Variants in VWA8 observed in about 807,000 individuals in gnomAD.
The protein encoded by VWA8 is von Willebrand factor A domain containing 8.
A neutral mutation model predicts 241.5 loss-of-function variants in VWA8; 221 were observed. That is an observed-to-expected ratio of 0.91 (90% CI 0.82 to 1.02). The LOEUF (loss-of-function observed/expected upper bound fraction) is 1.02. Among genes scored for constraint, VWA8 ranks in the 50% least tolerant of loss-of-function variants. The pLI is 0.00. For synonymous variants in VWA8, 852 were observed against 827.1 expected (o/e 1.03, Z -0.52); for missense variants, 2,322 against 2,328.7 (o/e 1.00, Z 0.06).
intron 17 of VWA8, among the ~76,000 whole-genome samples, chr13:41,791,705 C>G (rs1869470903): frequency 6.6e-6 from 1 of 151,822 alleles, no homozygotes; most frequent in South Asian, 2.1e-4. Flanking sequence ...TGATAGATAA[C>G]TGTAAATGCA....
At chr13:41,701,002 G>A (rs565225680) in intron 28 of VWA8, among the ~76,000 whole-genome samples, 3 of 152,282 alleles carry the variant, frequency 2.0e-5, no homozygotes, top group African/African-American at 4.8e-5. Flanking sequence ...TTTACAATTA[G>A]AAGTTTAATG....
chr13:41,581,047 T>G lies in VWA8; in HGVS notation c.5272-5209A>C, dbSNP rs1179797148. 2.6e-5 allele frequency among the ~76,000 whole-genome samples: 2 copies of G among 77,732 alleles called. 1 individual carries two copies. Among genetic ancestry groups the G allele is most frequent in the Non-Finnish European group, 4.2e-5 (2 of 47,184 alleles). The allele number at this position is 77,732 out of a possible 152,430, so 51.0% of individuals were successfully genotyped here. On this transcript the variant is annotated intron_variant, in intron 42 of 44. Coordinates refer to ENST00000379310, the MANE Select transcript of VWA8 (RefSeq NM_015058.2). ...GACGGAGTCTCGCTGTCGTCCAGGC[T>G]GGAGTGCAGTGGCGCAATCTCGGCT... is the stretch of plus-strand genomic sequence containing the variant.
chr13:41,916,563 A>G (rs528200761), intron 2 of VWA8, among the ~76,000 whole-genome samples: 1 of 152,366 alleles, frequency 6.6e-6, no homozygotes, highest in African/African-American at 2.4e-5. Flanking sequence ...TCTACTTCTC[A>G]AAGAAAATCC....
intron 5 of VWA8, among the ~76,000 whole-genome samples, chr13:41,887,958 A>G (rs185371920): frequency 2.6e-5 from 4 of 152,330 alleles, no homozygotes; most frequent in Admixed American, 1.3e-4. Context: ...TCGTCCTGCA[A>G]CTAGCATACA....
rs374427771 is a variant in VWA8 at position 41,868,345 on chromosome 13, C to G, written c.1212+1G>C. ...GAAAGAATAAACCTGTGATTAATTA[C>G]CTTAATGGTCACCTCTTTATCTGCA... On this transcript the variant is annotated splice_donor_variant, in intron 10 of 44. Transcript: ENST00000379310. LOFTEE classifies it high-confidence loss of function. 7 of 1,613,792 alleles carry G rather than the reference C, an allele frequency of 4.3e-6. No homozygotes were observed. Among genetic ancestry groups the G allele is most frequent in the East Asian group, 2.2e-5 (1 of 44,860 alleles).
intron 24 of VWA8, among the ~76,000 whole-genome samples, chr13:41,724,008 G>A (rs77603037): frequency 0.015 from 2,353 of 152,272 alleles, 59 homozygotes; most frequent in African/African-American, 0.054. Flanking sequence ...AAGAAACCAA[G>A]AACATACTTG....
At chr13:41,923,234 A>G (rs1294859802) in intron 2 of VWA8, among the ~76,000 whole-genome samples, 1 of 152,108 alleles carries the variant, frequency 6.6e-6, no homozygotes, top group African/African-American at 2.4e-5. Context: ...GAAATTAACA[A>G]TGAGAACACT....
chr13:41,822,116 A>G (rs906376842), intron 14 of VWA8, among the ~76,000 whole-genome samples: 3 of 152,174 alleles, frequency 2.0e-5, no homozygotes. Flanking sequence ...TATAAATATT[A>G]AAAATTATCA....
intron 2 of VWA8, among the ~76,000 whole-genome samples, chr13:41,940,776 A>C (rs1011668630): frequency 6.6e-6 from 1 of 152,212 alleles, no homozygotes; most frequent in Non-Finnish European, 1.5e-5. Flanking sequence ...ACAGTTGCTC[A>C]TAAGATTAGT....
chr13:41,694,865 T>A (rs1229924098), intron 29 of VWA8, among the ~76,000 whole-genome samples: 1 of 152,174 alleles, frequency 6.6e-6, no homozygotes, highest in Non-Finnish European at 1.5e-5. Flanking sequence ...TACATATTCA[T>A]AACATGGCAT....
intron 15 of VWA8, among the ~76,000 whole-genome samples, chr13:41,817,608 C>T (rs549613138): frequency 2.0e-5 from 3 of 152,110 alleles, no homozygotes; most frequent in African/African-American, 4.8e-5. Context: ...TAAATCAATC[C>T]TATGATGTAA....
chr13:41,769,054 C>T (rs2137916819), intron 20 of VWA8, among the ~76,000 whole-genome samples: 1 of 152,228 alleles, frequency 6.6e-6, no homozygotes, highest in African/African-American at 2.4e-5. Context: ...AGGTGCATGC[C>T]ACCATGCCCA....
chr13:41,885,184 C>T (rs1229868799), intron 8 of VWA8, among the ~76,000 whole-genome samples: 2 of 152,174 alleles, frequency 1.3e-5, no homozygotes, highest in Admixed American at 1.3e-4. Flanking sequence ...TTCACAATAG[C>T]GGTCTGACTT....
Position 41,930,202 on chromosome 13 carries a change from C to T in VWA8, c.242-18034G>A, listed in dbSNP as rs778788990. On this transcript the variant is annotated intron_variant, in intron 2 of 44. Coordinates refer to ENST00000379310, the MANE Select transcript of VWA8 (RefSeq NM_015058.2). ...AGATACCACCTCACATGTGTTAGCA[C>T]GGCTATTATCAAAAAATCAAAAGAT... Among the ~76,000 whole-genome samples the T allele has an allele frequency of 1.1e-4, 17 of 152,080 alleles. 1 individual carries two copies. The highest frequency in any genetic ancestry group is 1.6e-4 in the Non-Finnish European group (11 of 68,014).
chr13:41,863,448 T>TAC (rs1873130802), intron 12 of VWA8, among the ~76,000 whole-genome samples: 1 of 108,298 alleles, frequency 9.2e-6, no homozygotes, highest in Non-Finnish European at 2.1e-5. Flanking sequence ...TATATATATA[T>TAC]ATATATTCAC....
At chr13:41,677,028 T>C (rs563806106) in intron 35 of VWA8, among the ~76,000 whole-genome samples, 2 of 152,208 alleles carry the variant, frequency 1.3e-5, no homozygotes, top group Non-Finnish European at 2.9e-5. Flanking sequence ...TTTCCAGAAT[T>C]ATATTTTCAA....
intron 21 of VWA8, among the ~76,000 whole-genome samples, chr13:41,747,766 C>T (rs1385514125): frequency 1.7e-4 from 26 of 152,080 alleles, no homozygotes; most frequent in Admixed American, 2.6e-4. Flanking sequence ...TTTTGAGATA[C>T]GTCCCATCAA....
In VWA8 at chr13:41,858,980, G is replaced by A. The variant is rs140472486; in HGVS notation, c.1425+6756C>T. ...TAATCTCAGAGCTTTAGGAGGCTGA[G>A]GTGGGAGGATGACTCAAGAACATAC... On this transcript the variant is annotated intron_variant, in intron 12 of 44. Transcript: ENST00000379310. Among the ~76,000 whole-genome samples the A allele has an allele frequency of 4.3e-3, 652 of 152,142 alleles. 4 individuals carry two copies. The highest frequency in any genetic ancestry group is 0.015 in the African/African-American group (608 of 41,520).
chr13:41,585,271 C>T (rs2044409805), intron 42 of VWA8, among the ~76,000 whole-genome samples: 1 of 152,160 alleles, frequency 6.6e-6, no homozygotes, highest in Non-Finnish European at 1.5e-5. Flanking sequence ...CAGCCTGCTG[C>T]GTGACAATCA....
Sources: gnomAD v4.1 joint callset for allele counts (sites outside exome capture counted in the v4.1 genomes callset) on GRCh38, gnomAD v4.1.1 for gene constraint, MANE v1.5 for transcripts, NCBI Gene and HGNC (gene_info 2026-07-23, HGNC 2026-07-21) for gene names.